The following STK32B variants were observed in gnomAD, a reference collection of about 807,000 sequenced individuals.
STK32B encodes the protein serine/threonine-protein kinase 32B.
STK32B carries 43 observed loss-of-function variants against 52.6 expected under a neutral mutation model. That is an observed-to-expected ratio of 0.82 (90% CI 0.64 to 1.05). The LOEUF is 1.05. STK32B is among the 50% of genes least tolerant of loss of function. STK32B has a pLI of 0.00. For missense variants in STK32B, 621 were observed against 534.6 expected, an observed-to-expected ratio of 1.16 and a Z score of -1.59; for synonymous variants, 238 against 204.3, an observed-to-expected ratio of 1.17 and a Z score of -1.41.
Position 5,094,569 on chromosome 4 carries a change from C to G in STK32B, c.52+42654C>G, listed in dbSNP as rs114920373. Among the ~76,000 whole-genome samples the G allele has an allele frequency of 7.1e-3, 1,087 of 152,164 alleles. 13 individuals are homozygous for G. Among genetic ancestry groups the G allele is most frequent in the African/African-American group, 0.025 (1,032 of 41,498 alleles). On this transcript the variant is annotated intron_variant, in intron 1 of 11. Coordinates refer to ENST00000282908, the MANE Select transcript of STK32B (RefSeq NM_018401.3). The stretch of plus-strand genomic sequence containing the variant: ...CTTGGGAGGCTGAGGCAGGAGGAGT[C>G]ACTTGAGCCCGGGAGTTCAAGGCTA...
intron 4 of STK32B, among the ~76,000 whole-genome samples, chr4:5,363,515 G>C (rs367563494): frequency 5.3e-5 from 8 of 152,146 alleles, no homozygotes; most frequent in Non-Finnish European, 8.8e-5. Flanking sequence ...CTTGGTGCCA[G>C]GTTCATGTCT....
At chr4:5,196,030 G>C (rs529576983) in intron 3 of STK32B, among the ~76,000 whole-genome samples, 1 of 152,164 alleles carries the variant, frequency 6.6e-6, no homozygotes, top group African/African-American at 2.4e-5. Flanking sequence ...CCTGAGACCG[G>C]GCCTTTCATT....
chr4:5,437,141 A>G (rs2109100993), intron 6 of STK32B, among the ~76,000 whole-genome samples: 1 of 152,396 alleles, frequency 6.6e-6, no homozygotes, highest in African/African-American at 2.4e-5. Flanking sequence ...CCCTGGAGTC[A>G]GAAAACCAAG....
At chr4:5,226,880 G>A (rs751689454) in intron 3 of STK32B, among the ~76,000 whole-genome samples, 9 of 152,256 alleles carry the variant, frequency 5.9e-5, no homozygotes, top group South Asian at 4.1e-4. Flanking sequence ...CATATACTCC[G>A]TGGATAAGGT....
At chr4:5,457,079 G>A (rs866713302) in intron 8 of STK32B, among the ~76,000 whole-genome samples, 156 bp downstream of exon 8, 8 of 152,170 alleles carry the variant, frequency 5.3e-5, no homozygotes, top group African/African-American at 1.7e-4. Context: ...TGGAATAAAC[G>A]CTGTTATGGG....
chr4:5,257,809 G>A (rs188697083), intron 3 of STK32B, among the ~76,000 whole-genome samples: 51 of 152,314 alleles, frequency 3.3e-4, no homozygotes, highest in African/African-American at 1.1e-3. Flanking sequence ...TCTGTGTGGC[G>A]GCATGGGCCT....
At chr4:5,149,317 G>A (rs112001413) in intron 2 of STK32B, among the ~76,000 whole-genome samples, 6 of 151,740 alleles carry the variant, frequency 4.0e-5, no homozygotes, top group Non-Finnish European at 8.9e-5. Flanking sequence ...TAGTTGTATT[G>A]TTTAGTTCAT....
chr4:5,481,802 T>C (rs948032721), intron 11 of STK32B, among the ~76,000 whole-genome samples: 8 of 152,234 alleles, frequency 5.3e-5, no homozygotes, highest in Non-Finnish European at 1.0e-4. Flanking sequence ...TTTCTACATA[T>C]GGCTAGCCAG....
At chr4:5,264,164 T>G (rs1467344080) in intron 3 of STK32B, among the ~76,000 whole-genome samples, 1 of 152,218 alleles carries the variant, frequency 6.6e-6, no homozygotes, top group Non-Finnish European at 1.5e-5. Context: ...TTCATTTCTC[T>G]TGAGTAAATA....
chr4:5,028,860 A>T, the STK32B span, among the ~76,000 whole-genome samples: 193 of 152,346 alleles, frequency 1.3e-3, 1 homozygote, highest in African/African-American at 4.4e-3. Context: ...TAATTGGCTT[A>T]TGGTTCGGTA....
At chr4:5,472,396 A>T (rs1287329394) in intron 11 of STK32B, among the ~76,000 whole-genome samples, 1 of 152,204 alleles carries the variant, frequency 6.6e-6, no homozygotes, top group Non-Finnish European at 1.5e-5. Context: ...TTTTTTGGAA[A>T]TGCAGCTTAT....
chr4:5,264,491 AATTG>A (rs77243294), intron 3 of STK32B, among the ~76,000 whole-genome samples: 25,128 of 151,884 alleles, frequency 0.17, 4,005 homozygotes, highest in African/African-American at 0.41. Flanking sequence ...TAAAAAAAAA[AATTG>A]TTGTGTTGTG....
chr4:5,280,359 GTCC>G (rs1728113716), intron 3 of STK32B, among the ~76,000 whole-genome samples: 1 of 152,122 alleles, frequency 6.6e-6, no homozygotes, highest in Non-Finnish European at 1.5e-5. Flanking sequence ...GGACTTCACT[GTCC>G]ATGTCACTAT....
At chr4:5,177,075 C>T (rs112188077) in intron 3 of STK32B, among the ~76,000 whole-genome samples, 1,553 of 152,126 alleles carry the variant, frequency 0.01, 21 homozygotes, top group African/African-American at 0.031. Context: ...TATTGTTCAC[C>T]GTAAGAGGTT....
chr4:5,495,118 G>A (rs1197697963), intron 11 of STK32B, among the ~76,000 whole-genome samples: 3 of 152,088 alleles, frequency 2.0e-5, no homozygotes, highest in Admixed American at 2.0e-4. Flanking sequence ...TCTGAATGTT[G>A]GCCTGCCTTG....
chr4:5,231,574 G>A (rs111619771), intron 3 of STK32B, among the ~76,000 whole-genome samples: 3,077 of 152,128 alleles, frequency 0.02, 103 homozygotes, highest in African/African-American at 0.065. Flanking sequence ...ATTGCACCAC[G>A]GCACTCCAGC....
chr4:5,140,872 C>G (rs1716394226), intron 2 of STK32B, among the ~76,000 whole-genome samples: 1 of 152,122 alleles, frequency 6.6e-6, no homozygotes, highest in African/African-American at 2.4e-5. Context: ...CAAAACAGAT[C>G]CAAGTGTCTT....
chr4:5,314,895 G>A (rs190049928), intron 3 of STK32B, among the ~76,000 whole-genome samples: 1 of 152,132 alleles, frequency 6.6e-6, no homozygotes, highest in East Asian at 1.9e-4. Flanking sequence ...GATAGAAAAA[G>A]AGAAGAATGA....
chr4:5,359,837 G>A (rs1421091875), intron 4 of STK32B, among the ~76,000 whole-genome samples: 1 of 152,164 alleles, frequency 6.6e-6, no homozygotes, highest in Non-Finnish European at 1.5e-5. Flanking sequence ...AGTGGTAGGA[G>A]GCCAGGCCAG....
Sources: allele counts gnomAD v4.1 joint callset (sites outside exome capture counted in the v4.1 genomes callset), GRCh38; gene constraint gnomAD v4.1.1; transcripts MANE v1.5; gene names NCBI Gene and HGNC (gene_info 2026-07-23, HGNC 2026-07-21).